The following YIF1A variants were observed in gnomAD, a reference collection of about 807,000 sequenced individuals.
The protein encoded by YIF1A is Yip1 interacting factor homolog A, membrane trafficking protein, also known as protein YIF1A.
YIF1A carries 28 observed loss-of-function variants against 32.6 expected under a neutral mutation model. The observed-to-expected ratio is 0.86, with a 90% CI of 0.64 to 1.18. The LOEUF (loss-of-function observed/expected upper bound fraction) is 1.18. Ranked by LOEUF, YIF1A falls within the 50% of genes most tolerant of loss-of-function variation. The pLI, the probability that YIF1A is intolerant of heterozygous loss-of-function variation, is 0.00. For missense variants in YIF1A, 373 were observed against 390.8 expected, an observed-to-expected ratio of 0.95 and a Z score of 0.38; for synonymous variants, 175 against 162.2, an observed-to-expected ratio of 1.08 and a Z score of -0.60.
chr11:66,284,709 G>T lies in YIF1A; in HGVS notation c.810C>A (p.Leu270=), dbSNP rs1043451. The T allele has an allele frequency of 3.7e-6, 6 of 1,612,594 alleles. No homozygotes were observed. The highest frequency in any genetic ancestry group is 5.1e-6 in the Non-Finnish European group (6 of 1,179,914). ...AGGCTGCAGCTCCCAGAGTCAGGTAGAGCTGGAGACGCTGCCGGGGGACGG... is the reference window on the plus strand; with the variant it reads ...AGGCTGCAGCTCCCAGAGTCAGGTATAGCTGGAGACGCTGCCGGGGGACGG... The part of the protein sequence containing the change: ...GGPVPRQRLQ[L]YLTLGAAAFQ... Residue 270 remains leucine (L), a synonymous_variant, in exon 8 of 8, where the codon CTC becomes CTA. Transcript: ENST00000376901.
At chr11:66,288,390 G>C (rs1352907212) in intron 1 of YIF1A, 98 bp from the exon 2 acceptor site, 11 of 1,454,434 alleles carry the variant, frequency 7.6e-6, no homozygotes, top group East Asian at 2.3e-5. Flanking sequence ...ACGGGTCCTG[G>C]AGGCACCGAT....
In YIF1A at chr11:66,285,682, G is replaced by A. The variant is rs1170743229; in HGVS notation, c.485+19C>T. On this transcript the variant is annotated intron_variant, in intron 5 of 7. Transcript: ENST00000376901. Reference sequence around the variant, plus strand: ...GAGCTCACAGGGAGGGGAGGGTAAGGGAGGGGCTTGGCACTGACCTTTTCT... The same window carrying A: ...GAGCTCACAGGGAGGGGAGGGTAAGAGAGGGGCTTGGCACTGACCTTTTCT... 3 of 1,613,146 alleles carry A rather than the reference G, an allele frequency of 1.9e-6. No individual in the cohort carries two copies. Among genetic ancestry groups the A allele is most frequent in the South Asian group, 1.1e-5 (1 of 91,076 alleles).
rs1857384873 is a variant in YIF1A, at chr11:66,287,821, G to A, written c.339C>T (p.Tyr113=). 1 of 1,613,970 alleles carries A rather than the reference G, an allele frequency of 6.2e-7. No homozygotes were observed. The highest frequency in any genetic ancestry group is 1.3e-5 in the African/African-American group (1 of 74,940). Residue 113 remains tyrosine (Y), a synonymous_variant, in exon 3 of 8, where the codon TAC becomes TAT. Coordinates refer to ENST00000376901, the MANE Select transcript of YIF1A (RefSeq NM_020470.3). ...AKKLGLLVFP[Y]THQNWEVQYS... ...TTGGTAGGAAGCTCACCTGGTGTGT[G>A]TAGGGGAAGACCAGCAGCCCTAGCT...
chr11:66,284,931 C>G lies in YIF1A; in HGVS notation c.677G>C (p.Gly226Ala), dbSNP rs1262607227. 1.2e-6 allele frequency: 2 copies of G among 1,613,268 alleles called. No individual in the cohort carries two copies. Among genetic ancestry groups the G allele is most frequent in the African/African-American group, 2.7e-5 (2 of 74,908 alleles). Residue 226 changes from glycine (G) to alanine (A), a missense_variant, in exon 7 of 8, where the codon GGC becomes GCC. Transcript: ENST00000376901. ...ILSVLTGLLF[G>A]SDGYYVALAW... ...CAGCGCCACGTAGTAGCCATCGCTG[C>G]CGAACAGCAGCCCCGTGAGCACACT...
At position 66,288,275 on chromosome 11, in the gene YIF1A, G is replaced by A. The variant is rs1194640551; in HGVS notation, c.49C>T (p.Arg17Trp). The change falls in exon 2 of 8, where the codon CGG becomes TGG. Residue 17 changes from arginine (R) to tryptophan (W), a missense_variant. Arg to Trp is a moderately radical substitution (Grantham distance 101). Transcript: ENST00000376901. ...YGAHGSKHRARAAPDPPPLFD... is the reference protein window; with the variant it reads ...YGAHGSKHRAWAAPDPPPLFD... ...AGGGGAGGGGGATCCGGGGCTGCCC[G>A]GGCCCTGTGCTTGGAGCCTGTGGGT... 6 of 1,613,928 alleles carry A rather than the reference G, an allele frequency of 3.7e-6. No homozygotes were observed. The Admixed American group carries it at 6.7e-5, about 18-fold the overall frequency.
intron 6 of YIF1A, chr11:66,285,170 C>A: frequency 1.1e-6 from 1 of 896,096 alleles, no homozygotes; most frequent in Non-Finnish European, 1.7e-6. Flanking sequence ...ACCCCCTTCT[C>A]TCCCCAAGAC....
chr11:66,288,131 C>G lies in YIF1A; in HGVS notation c.193G>C (p.Ala65Pro), dbSNP rs774863925. 1 of 1,614,142 alleles carries G rather than the reference C, an allele frequency of 6.2e-7. No individual in the cohort carries two copies. The highest frequency in any genetic ancestry group is 8.5e-7 in the Non-Finnish European group (1 of 1,180,032). ...TGGGATGCGATGGAGCTGCCATAGG[C>G]CATAGCCACATTGGCCATTGGGTCC... ...LGDPMANVAM[A>P]YGSSIASHGK... Residue 65 changes from alanine (A) to proline (P), a missense_variant, in exon 2 of 8, where the codon GCC becomes CCC. Ala to Pro is a conservative substitution (Grantham distance 27). Transcript: ENST00000376901.
intron 1 of YIF1A, among the ~76,000 whole-genome samples, chr11:66,288,611 A>G (rs1034206234): frequency 1.3e-5 from 2 of 152,174 alleles, no homozygotes; most frequent in African/African-American, 4.8e-5. Context: ...CTAGGTGAAA[A>G]TAACTGGGAG....
rs571088861 is a variant in YIF1A at position 66,285,032 on chromosome 11, C to A, written c.642-66G>T. 35 of 1,540,296 alleles carry A rather than the reference C, an allele frequency of 2.3e-5. No individual in the cohort carries two copies. In the South Asian group the frequency reaches 3.5e-4, roughly 15 times the overall value. ...TCTAGGCCTGAGATTGGCCCTACCC[C>A]CAACGCCCAGAGCCCAGCTAGACCC... is the stretch of plus-strand genomic sequence containing the variant. On this transcript the variant is annotated intron_variant, in intron 6 of 7. Transcript: ENST00000376901.
Position 66,288,180 on chromosome 11 carries a change from G to T in YIF1A, c.144C>A (p.Ala48=), listed in dbSNP as rs147638254. 1 of 1,614,180 alleles carries T rather than the reference G, an allele frequency of 6.2e-7. No individual in the cohort carries two copies. Among genetic ancestry groups the T allele is most frequent in the Non-Finnish European group, 8.5e-7 (1 of 1,180,044 alleles). ...CCCCAAGCAAGTGGTTGACACTGAA[G>T]GCCACGTCTGCTCCTGTGGCTGGGT... ...GGYPATGADV[A]FSVNHLLGDP... The change falls in exon 2 of 8, where the codon GCC becomes GCA. Residue 48 remains alanine (A), a synonymous_variant. Transcript: ENST00000376901.
intron 4 of YIF1A, among the ~76,000 whole-genome samples, chr11:66,286,015 A>G (rs1053020936): frequency 2.0e-5 from 3 of 152,232 alleles, no homozygotes; most frequent in Non-Finnish European, 1.5e-5. Context: ...GAAGCTCATC[A>G]GTGTTCTGCT....
rs1316174997 is a variant in YIF1A, at chr11:66,284,879, G to C, written c.729C>G (p.Tyr243Ter). 6.2e-7 allele frequency: 1 copy of C among 1,613,112 alleles called. No individual in the cohort carries two copies. Among genetic ancestry groups the C allele is most frequent in the Admixed American group, 1.7e-5 (1 of 59,992 alleles). The change falls in exon 7 of 8, where the codon TAC (tyrosine) becomes TAG (stop). Residue 243 changes from tyrosine (Y) to a stop codon, truncating the protein, a stop_gained. Coordinates refer to ENST00000376901, the MANE Select transcript of YIF1A (RefSeq NM_020470.3). LOFTEE classifies it high-confidence loss of function. The part of the protein sequence containing the change: ...ALAWTSSALM[Y>*]FIVRSLRTAA... ...GGGGGTGCACCAGACTCACAATGAA[G>C]TACATGAGCGCCGATGAGGTCCAGG...
intron 1 of YIF1A, among the ~76,000 whole-genome samples, chr11:66,288,666 C>T (rs767794319): frequency 1.3e-5 from 2 of 152,238 alleles, no homozygotes; most frequent in Non-Finnish European, 2.9e-5. Flanking sequence ...CAGCTGGCTA[C>T]CTGGAGGCCC....
Position 66,287,798 on chromosome 11 carries a change from G to A in YIF1A, c.348+14C>T, listed in dbSNP as rs201328171. ...ATGAGGAAGGCCCACCAGCTCCCTT[G>A]GTAGGAAGCTCACCTGGTGTGTGTA... On this transcript the variant is annotated intron_variant, in intron 3 of 7. Coordinates refer to ENST00000376901, the MANE Select transcript of YIF1A (RefSeq NM_020470.3). The A allele has an allele frequency of 1.1e-4, 185 of 1,611,822 alleles. 2 individuals are homozygous for A. In the African/African-American group the frequency reaches 2.3e-3, roughly 20 times the overall value.
Position 66,288,265 on chromosome 11 carries a change from G to C in YIF1A, c.59C>G (p.Pro20Arg). ...GTCATCGAAGAGGGGAGGGGGATCC[G>C]GGGCTGCCCGGGCCCTGTGCTTGGA... Reference protein sequence around the residue: ...HGSKHRARAAPDPPPLFDDTS... With the variant: ...HGSKHRARAARDPPPLFDDTS... Residue 20 changes from proline to arginine, a missense_variant, in exon 2 of 8, where the codon CCG becomes CGG. By Grantham distance (103) the Pro-to-Arg change is moderately radical. Coordinates refer to ENST00000376901, the MANE Select transcript of YIF1A (RefSeq NM_020470.3). The C allele has an allele frequency of 1.2e-6, 2 of 1,614,084 alleles. No homozygotes were observed. The highest frequency in any genetic ancestry group is 1.7e-6 in the Non-Finnish European group (2 of 1,180,038).
chr11:66,288,357 C>T, intron 1 of YIF1A, 65 bp from the exon 2 acceptor site: 1 of 1,596,928 alleles, frequency 6.3e-7, no homozygotes, highest in South Asian at 1.1e-5. Context: ...ACCACCGCCC[C>T]TTCCCTGGCT....
In YIF1A at chr11:66,288,982, C is replaced by T; in HGVS notation, c.4G>A (p.Ala2Thr). The T allele has an allele frequency of 6.3e-7, 1 of 1,578,286 alleles. No individual in the cohort carries two copies. The highest frequency in any genetic ancestry group is 1.1e-5 in the South Asian group (1 of 87,502). M[A>T]YHSGYGAHGS... ...TGGGCTCCGTAGCCCGAGTGATAAG[C>T]CATGGCCGCGACGCTCGCTGTCCCC... The change falls in exon 1 of 8, where the codon GCT (alanine) becomes ACT (threonine). Residue 2 changes from alanine to threonine, a missense_variant. Ala to Thr is a moderately conservative substitution (Grantham distance 58, BLOSUM62 0). Coordinates refer to ENST00000376901, the MANE Select transcript of YIF1A (RefSeq NM_020470.3).
At position 66,284,868 on chromosome 11, in the gene YIF1A, C is replaced by T. The variant is rs140868923; in HGVS notation, c.735+5G>A. The T allele has an allele frequency of 1.8e-4, 296 of 1,613,124 alleles. 2 individuals carry two copies. The East Asian group carries it at 6.5e-3, about 35-fold the overall frequency. On this transcript the variant is annotated splice_donor_5th_base_variant and intron_variant, in intron 7 of 7. Transcript: ENST00000376901. ...CAGGGGAATGGGGGGGTGCACCAGA[C>T]TCACAATGAAGTACATGAGCGCCGA...
At chr11:66,288,624 C>T (rs963506727) in intron 1 of YIF1A, among the ~76,000 whole-genome samples, 4 of 152,226 alleles carry the variant, frequency 2.6e-5, no homozygotes, top group African/African-American at 9.6e-5. Context: ...ACTGGGAGGG[C>T]ATCCTTCCGT....
Sources: allele counts gnomAD v4.1 joint callset (sites outside exome capture counted in the v4.1 genomes callset), GRCh38; gene constraint gnomAD v4.1.1; transcripts MANE v1.5; gene names NCBI Gene and HGNC (gene_info 2026-07-23, HGNC 2026-07-21).